SPOCK1: variants seen among roughly 807,000 people sequenced by gnomAD.
SPOCK1 encodes the protein testican-1.
In SPOCK1, 23 loss-of-function variants were observed where a neutral mutation model predicts 55.3. The observed-to-expected ratio is 0.42, with a 90% confidence interval of 0.30 to 0.59. The LOEUF (loss-of-function observed/expected upper bound fraction) is 0.59. Ranked by LOEUF, SPOCK1 falls within the 20% of genes least tolerant of loss-of-function variation. SPOCK1 has a pLI of 0.22. For missense variants in SPOCK1, 499 were observed against 552.5 expected (o/e 0.90, Z 0.97); for synonymous variants, 226 against 221.0 (o/e 1.02, Z -0.20).
Position 137,067,788 on chromosome 5 carries a change from G to T in SPOCK1, c.516C>A (p.Leu172=). ...EFHACSTGKS[L]ATLCDGPCPC... ...GACAGGGCCCATCACAGAGGGTGGC[G>T]AGGCTTTTGCCAGTAGAACAAGCAT... Residue 172 remains leucine, a synonymous_variant, in exon 6 of 11, where the codon CTC becomes CTA. Transcript: ENST00000394945. The T allele has an allele frequency of 6.2e-7, 1 of 1,614,120 alleles. No individual in the cohort carries two copies. The highest frequency in any genetic ancestry group is 8.5e-7 in the Non-Finnish European group (1 of 1,180,030).
chr5:137,468,141 T>G (rs1162824687), intron 2 of SPOCK1, among the ~76,000 whole-genome samples: 2 of 152,194 alleles, frequency 1.3e-5, no homozygotes, highest in African/African-American at 4.8e-5. Context: ...AGACACTCAC[T>G]TAGAACAATG....
At chr5:137,122,386 T>A (rs150836247) in intron 4 of SPOCK1, among the ~76,000 whole-genome samples, 54 of 152,294 alleles carry the variant, frequency 3.5e-4, no homozygotes, top group African/African-American at 1.3e-3. Flanking sequence ...CAGTTGAGCT[T>A]TTTTTATTCC....
chr5:137,422,168 C>T (rs1752513290), intron 2 of SPOCK1, among the ~76,000 whole-genome samples: 1 of 152,222 alleles, frequency 6.6e-6, no homozygotes, highest in Admixed American at 6.5e-5. Context: ...GAGAGATACG[C>T]TGTTAGTCTG....
chr5:137,141,766 T>C (rs1754104124), intron 3 of SPOCK1, among the ~76,000 whole-genome samples: 1 of 151,340 alleles, frequency 6.6e-6, no homozygotes, highest in Admixed American at 6.6e-5. Context: ...TAGGGAGGCA[T>C]GTTCAGGCAA....
At position 136,992,612 on chromosome 5, in the gene SPOCK1, C is replaced by A; in HGVS notation, c.590-12G>T. On this transcript the variant is annotated splice_polypyrimidine_tract_variant and intron_variant, in intron 6 of 10. Transcript: ENST00000394945. ...CTTGTCTGTGCAGGCTAGAGAAAAG[C>A]AAACAGAACAGACAATGGGGCTGGG... is the stretch of plus-strand genomic sequence containing the variant. 6.2e-7 allele frequency: 1 copy of A among 1,604,330 alleles called. No homozygotes were observed.
intron 3 of SPOCK1, among the ~76,000 whole-genome samples, chr5:137,201,658 T>C (rs1035761901): frequency 6.6e-6 from 1 of 152,234 alleles, no homozygotes; most frequent in African/African-American, 2.4e-5. Flanking sequence ...CATACTTCAT[T>C]TGAACAATTA....
chr5:137,112,634 A>T, intron 4 of SPOCK1, 73 bp from the exon 5 acceptor site: 6 of 1,545,750 alleles, frequency 3.9e-6, no homozygotes, highest in Non-Finnish European at 5.2e-6. Flanking sequence ...AAGTTCCCAG[A>T]ATAAAAGGCC....
At chr5:137,044,685 C>T (rs1225683545) in intron 6 of SPOCK1, among the ~76,000 whole-genome samples, 3 of 151,550 alleles carry the variant, frequency 2.0e-5, no homozygotes, top group Non-Finnish European at 2.9e-5. Context: ...GGTACATGTG[C>T]ACATTGTGCA....
intron 6 of SPOCK1, among the ~76,000 whole-genome samples, chr5:137,055,311 A>G (rs981613875): frequency 6.6e-6 from 1 of 152,214 alleles, no homozygotes; most frequent in Admixed American, 6.5e-5. Flanking sequence ...AGCTGAATGG[A>G]TGAAGATACA....
chr5:137,356,838 T>TATATAGAGAGAGAGAGAGAGAGAG (rs1554077335), intron 2 of SPOCK1, among the ~76,000 whole-genome samples: 2 of 5,460 alleles, frequency 3.7e-4, no homozygotes, highest in Non-Finnish European at 6.2e-4. Flanking sequence ...TATATATATA[T>TATATAGAGAGAGAGAGAGAGAGAG]AGAGAGAGAG....
intron 5 of SPOCK1, among the ~76,000 whole-genome samples, chr5:137,097,889 G>A (rs188387749): frequency 4.2e-4 from 64 of 152,270 alleles, no homozygotes; most frequent in East Asian, 5.8e-4. Context: ...GCCTGCTGCC[G>A]TTACCACCAC....
chr5:137,084,847 C>T (rs920212226), intron 5 of SPOCK1, among the ~76,000 whole-genome samples: 6 of 151,604 alleles, frequency 4.0e-5, no homozygotes, highest in African/African-American at 1.5e-4. Context: ...CTCACTACAC[C>T]ACTCCAAATG....
chr5:137,235,999 T>A (rs1327190903), intron 3 of SPOCK1, among the ~76,000 whole-genome samples: 3 of 152,220 alleles, frequency 2.0e-5, no homozygotes, highest in African/African-American at 4.8e-5. Context: ...AGGGAGAGCC[T>A]CCACTCTGTG....
chr5:137,401,102 G>A (rs1313915370), intron 2 of SPOCK1, among the ~76,000 whole-genome samples: 4 of 152,212 alleles, frequency 2.6e-5, no homozygotes, highest in South Asian at 4.2e-4. Context: ...AACCAGAGGC[G>A]AGAAACCAGG....
At chr5:137,033,727 C>T (rs1050611249) in intron 6 of SPOCK1, among the ~76,000 whole-genome samples, 1 of 152,188 alleles carries the variant, frequency 6.6e-6, no homozygotes, top group African/African-American at 2.4e-5. Flanking sequence ...GTACCTTGTA[C>T]TTGTTCTTCA....
intron 3 of SPOCK1, among the ~76,000 whole-genome samples, chr5:137,201,916 A>G (rs202164424): frequency 6.6e-6 from 1 of 152,216 alleles, no homozygotes; most frequent in East Asian, 1.9e-4. Context: ...ACTTAAATGC[A>G]CATTGAAACT....
intron 6 of SPOCK1, among the ~76,000 whole-genome samples, chr5:137,007,755 G>C (rs1454615915): frequency 4.6e-5 from 7 of 152,168 alleles, no homozygotes; most frequent in Admixed American, 4.6e-4. Context: ...TTTAGAACTA[G>C]AAATACCATT....
chr5:137,156,194 A>G (rs1754413896), intron 3 of SPOCK1, among the ~76,000 whole-genome samples: 1 of 152,122 alleles, frequency 6.6e-6, no homozygotes, highest in Admixed American at 6.6e-5. Context: ...GAGGGCCCAT[A>G]GCAATATAAT....
intron 2 of SPOCK1, among the ~76,000 whole-genome samples, chr5:137,368,174 C>G (rs1353940022): frequency 6.6e-6 from 1 of 152,220 alleles, no homozygotes; most frequent in Non-Finnish European, 1.5e-5. Flanking sequence ...CTAATTATGG[C>G]TTTTGAACCA....
Sources: allele counts gnomAD v4.1 joint callset (sites outside exome capture counted in the v4.1 genomes callset), GRCh38; gene constraint gnomAD v4.1.1; transcripts MANE v1.5; gene names NCBI Gene and HGNC (gene_info 2026-07-23, HGNC 2026-07-21).